Variants in DACH1 observed in about 807,000 individuals in gnomAD.
DACH1 encodes dachshund homolog 1.
A neutral mutation model predicts 54.2 loss-of-function variants in DACH1; 12 were observed. The ratio of observed to expected loss-of-function variants is 0.22; its 90% confidence interval spans 0.14 to 0.36. DACH1 has a LOEUF of 0.36. Among genes scored for constraint, DACH1 ranks in the 10% least tolerant of loss-of-function variants. The pLI is 1.00. For missense variants in DACH1, 805 were observed against 929.8 expected (o/e 0.87, Z 1.75); for synonymous variants, 386 against 366.2 (o/e 1.05, Z -0.62).
At chr13:71,587,860 A>G (rs1025815263) in intron 3 of DACH1, among the ~76,000 whole-genome samples, 3 of 152,146 alleles carry the variant, frequency 2.0e-5, no homozygotes, top group Non-Finnish European at 4.4e-5. Flanking sequence ...TAAATTCAAA[A>G]ACATAATAAA....
At chr13:71,523,120 T>C (rs1423993696) in intron 6 of DACH1, among the ~76,000 whole-genome samples, 4 of 152,112 alleles carry the variant, frequency 2.6e-5, no homozygotes, top group Non-Finnish European at 5.9e-5. Context: ...CAACAGCAGA[T>C]GTGTGAGCCC....
chr13:71,571,984 G>A (rs769044134), intron 4 of DACH1, among the ~76,000 whole-genome samples: 6 of 151,624 alleles, frequency 4.0e-5, no homozygotes, highest in Non-Finnish European at 7.4e-5. Flanking sequence ...ATCTGAACAG[G>A]GCCGTTTATA....
chr13:71,724,962 A>G (rs1050253205), intron 1 of DACH1, among the ~76,000 whole-genome samples: 2 of 152,126 alleles, frequency 1.3e-5, no homozygotes, highest in African/African-American at 2.4e-5. Flanking sequence ...GGAACAAGCA[A>G]TTCTCTCTAA....
intron 1 of DACH1, among the ~76,000 whole-genome samples, chr13:71,825,948 T>C (rs1398489774): frequency 6.6e-6 from 1 of 152,110 alleles, no homozygotes; most frequent in Non-Finnish European, 1.5e-5. Context: ...GTCTAACATC[T>C]GGCAACCATG....
intron 2 of DACH1, among the ~76,000 whole-genome samples, chr13:71,661,441 A>G (rs1879478855): frequency 6.6e-6 from 1 of 151,976 alleles, no homozygotes; most frequent in South Asian, 2.1e-4. Flanking sequence ...GGAATAATTA[A>G]TGGAAGACTA....
In DACH1 at chr13:71,753,936, T is replaced by G. The variant is rs184326220; in HGVS notation, c.849-72026A>C. ...AAAGTATAAATGACCAAATGTTTTATTGTTTCAAAATATTTTAATTGGTTC... is the reference window on the plus strand; with the variant it reads ...AAAGTATAAATGACCAAATGTTTTAGTGTTTCAAAATATTTTAATTGGTTC... On this transcript the variant is annotated intron_variant, in intron 1 of 10. Transcript: ENST00000613252. 3.1e-3 allele frequency among the ~76,000 whole-genome samples: 469 copies of G among 152,308 alleles called. 2 individuals are homozygous for G. Among genetic ancestry groups the G allele is most frequent in the Non-Finnish European group, 5.4e-3 (368 of 68,024 alleles).
intron 1 of DACH1, among the ~76,000 whole-genome samples, chr13:71,835,518 A>T (rs77493587): frequency 0.08 from 12,176 of 152,028 alleles, 1,503 homozygotes; most frequent in African/African-American, 0.26. Context: ...CCAGAGGTAA[A>T]AATTATCTCA....
chr13:71,796,645 A>AT (rs937743048), intron 1 of DACH1, among the ~76,000 whole-genome samples: 1 of 152,142 alleles, frequency 6.6e-6, no homozygotes, highest in Non-Finnish European at 1.5e-5. Context: ...CAAACTAATT[A>AT]TAAGGCCTAT....
chr13:71,686,608 T>C (rs1379332438), intron 1 of DACH1, among the ~76,000 whole-genome samples: 1 of 152,216 alleles, frequency 6.6e-6, no homozygotes, highest in Non-Finnish European at 1.5e-5. Flanking sequence ...GAGTACTTTA[T>C]AGAATTTTCA....
At chr13:71,701,046 T>C (rs1566442810) in intron 1 of DACH1, among the ~76,000 whole-genome samples, 1 of 152,190 alleles carries the variant, frequency 6.6e-6, no homozygotes, top group Non-Finnish European at 1.5e-5. Context: ...AATAAAATTT[T>C]ATCAATCCTC....
At chr13:71,830,635 A>C (rs1888549749) in intron 1 of DACH1, among the ~76,000 whole-genome samples, 1 of 151,882 alleles carries the variant, frequency 6.6e-6, no homozygotes, top group South Asian at 2.1e-4. Flanking sequence ...ATCCTTCGAG[A>C]GCCAGAATTC....
chr13:71,568,024 T>G (rs1884992107), intron 4 of DACH1, among the ~76,000 whole-genome samples: 1 of 152,064 alleles, frequency 6.6e-6, no homozygotes, highest in Non-Finnish European at 1.5e-5. Context: ...TCTCTTGATT[T>G]ATATTGTTTA....
chr13:71,808,852 A>G (rs528931590), intron 1 of DACH1, among the ~76,000 whole-genome samples: 33 of 152,348 alleles, frequency 2.2e-4, no homozygotes, highest in African/African-American at 7.9e-4. Flanking sequence ...ATCAAAAACT[A>G]TCACTCAACC....
chr13:71,630,593 T>C lies in DACH1; in HGVS notation c.1089A>G (p.Gly363=), dbSNP rs949210661. 3 of 1,605,226 alleles carry C rather than the reference T, an allele frequency of 1.9e-6. No homozygotes were observed. The highest frequency in any genetic ancestry group is 2.2e-5 in the East Asian group (1 of 44,594). ...TCATGTCCCCGTTTTCAGAGTCTGC[T>C]CCATGTTGGTTATTACTGGCATGAT... ...SNYHASNNQH[G]ADSENGDMNS... is the part of the protein sequence containing the mutation. The change falls in exon 3 of 11, where the codon GGA becomes GGG. Residue 363 remains glycine, a synonymous_variant. Transcript: ENST00000613252.
chr13:71,809,381 G>A (rs1887625950), intron 1 of DACH1, among the ~76,000 whole-genome samples: 1 of 151,964 alleles, frequency 6.6e-6, no homozygotes, highest in Non-Finnish European at 1.5e-5. Context: ...ATGTTGCCCA[G>A]GCTTGTCTCG....
chr13:71,749,910 T>G (rs958349099), intron 1 of DACH1, among the ~76,000 whole-genome samples: 1 of 152,148 alleles, frequency 6.6e-6, no homozygotes, highest in Non-Finnish European at 1.5e-5. Context: ...AGAGGAATGA[T>G]TGAAGAAAGG....
intron 3 of DACH1, among the ~76,000 whole-genome samples, chr13:71,585,376 G>A (rs1006207493): frequency 6.6e-5 from 10 of 152,164 alleles, no homozygotes; most frequent in Non-Finnish European, 1.5e-5. Context: ...GCACCATAAA[G>A]TCTAATACCC....
At chr13:71,805,217 C>G (rs1003244145) in intron 1 of DACH1, among the ~76,000 whole-genome samples, 3 of 152,074 alleles carry the variant, frequency 2.0e-5, no homozygotes, top group Non-Finnish European at 4.4e-5. Flanking sequence ...ATACAATTAT[C>G]ATCAAAGTAC....
intron 1 of DACH1, chr13:71,846,184 C>A (rs1215081214): frequency 4.5e-6 from 1 of 224,578 alleles, no homozygotes; most frequent in Non-Finnish European, 9.6e-6. Flanking sequence ...CCAAACAAAT[C>A]CAGAGTTATC....
Sources: allele counts gnomAD v4.1 joint callset (sites outside exome capture counted in the v4.1 genomes callset), GRCh38; gene constraint gnomAD v4.1.1; transcripts MANE v1.5; gene names NCBI Gene and HGNC (gene_info 2026-07-23, HGNC 2026-07-21).